The following NFATC2 variants were observed in gnomAD, a reference collection of about 807,000 sequenced individuals.
NFATC2 encodes nuclear factor of activated T-cells, cytoplasmic 2.
A neutral mutation model predicts 87.3 loss-of-function variants in NFATC2; 22 were observed. That is an observed-to-expected ratio of 0.25 (90% confidence interval 0.18 to 0.36). The LOEUF (loss-of-function observed/expected upper bound fraction) is 0.36, where lower values mean the gene tolerates loss of function less well. Ranked by LOEUF, NFATC2 falls within the 10% of genes least tolerant of loss-of-function variation. NFATC2 has a pLI of 1.00. For synonymous variants in NFATC2, 565 were observed against 542.2 expected, an observed-to-expected ratio of 1.04 and a Z score of -0.58; for missense variants, 1,149 against 1,259.1, an observed-to-expected ratio of 0.91 and a Z score of 1.32.
chr20:51,397,592 AAGTCCTGAGGACACTCCT>A (rs1177018776), intron 10 of NFATC2, among the ~76,000 whole-genome samples: 1 of 152,086 alleles, frequency 6.6e-6, no homozygotes, highest in Non-Finnish European at 1.5e-5. Context: ...CTCGGATGCA[AAGTCCTGAGGACACTCCT>A]GAGGGACTCC....
In NFATC2 at chr20:51,432,579, G is replaced by C; in HGVS notation, c.2210C>G (p.Ser737Cys). Residue 737 changes from serine (S) to cysteine (C), a missense_variant, in exon 9 of 11, where the codon TCC (serine) becomes TGC (cysteine). This residue lies in a region of NFATC2 where 581 missense variants were observed against 649.7 expected (regional missense o/e 0.89). Coordinates refer to ENST00000371564, the MANE Select transcript of NFATC2 (RefSeq NM_012340.5). This position sits in a 1 kb window ranked among gnomAD's most constrained non-coding sequence, Gnocchi z 4.6. ...CTGTTGCTGGTAGCGGGCGTCAGGG[G>C]ATGAGAGCCCCGTGCGGAACTGCTG... Reference protein sequence around the residue: ...PCQQFRTGLSSPDARYQQQNP... With the variant: ...PCQQFRTGLSCPDARYQQQNP... The C allele has an allele frequency of 6.5e-7, 1 of 1,533,556 alleles. No individual in the cohort carries two copies. The highest frequency in any genetic ancestry group is 1.3e-5 in the South Asian group (1 of 77,686). The allele number at this position is 1,533,556 out of a possible 1,614,324, so 95.0% of individuals were successfully genotyped here.
intron 9 of NFATC2, 68 bp from the exon 10 acceptor site, chr20:51,398,798 T>TCCAACTCATGCCGATATCATCC (rs1987635825): frequency 9.2e-7 from 1 of 1,088,034 alleles, no homozygotes; most frequent in Non-Finnish European, 1.4e-6. Context: ...CTCTTACGCT[T>TCCAACTCATGCCGATATCATCC]CCAACTCATG....
intron 9 of NFATC2, among the ~76,000 whole-genome samples, chr20:51,405,030 AAG>A (rs1988421857): frequency 6.6e-6 from 1 of 152,152 alleles, no homozygotes; most frequent in South Asian, 2.1e-4. Context: ...TTTCTAGTAA[AAG>A]GGGCTCACTG....
chr20:51,561,484 A>AAAGCAAGCAAGC (rs377087625), intron 1 of NFATC2, among the ~76,000 whole-genome samples: 109 of 90,048 alleles, frequency 1.2e-3, no homozygotes, highest in East Asian at 3.0e-3. Context: ...AGAAAGAAAG[A>AAAGCAAGCAAGC]AAGCAAGCAA....
chr20:51,414,376 CGCTG>C, intron 9 of NFATC2, among the ~76,000 whole-genome samples: 1 of 152,164 alleles, frequency 6.6e-6, no homozygotes, highest in Non-Finnish European at 1.5e-5. Flanking sequence ...AGCCTTGGAA[CGCTG>C]GCCAGATTTC....
intron 3 of NFATC2, among the ~76,000 whole-genome samples, chr20:51,499,304 C>G (rs538535431): frequency 1.3e-5 from 2 of 152,172 alleles, no homozygotes; most frequent in East Asian, 3.9e-4. Context: ...CCCCAGGTGA[C>G]AGAGGGGAGG....
At chr20:51,560,189 C>T (rs1363844090) in intron 1 of NFATC2, among the ~76,000 whole-genome samples, 1 of 152,182 alleles carries the variant, frequency 6.6e-6, no homozygotes, top group Non-Finnish European at 1.5e-5. Context: ...TGTTTTACCT[C>T]ATTGAATCTC....
chr20:51,523,305 C>A lies in NFATC2; in HGVS notation c.936G>T (p.Thr312=). ...TGGGGGGGATCCCACAAGGCGAGTC[C>A]GTGGCGAGGCTGTTCAGGGCATCCA... ...VIMDALNSLA[T]DSPCGIPPKM... Residue 312 remains threonine (T), a synonymous_variant, in exon 2 of 11, where the codon ACG becomes ACT. Coordinates refer to ENST00000371564, the MANE Select transcript of NFATC2 (RefSeq NM_012340.5). The surrounding 1 kb of genome is among the most constrained non-coding windows in gnomAD (Gnocchi z 6.9). The A allele has an allele frequency of 6.2e-7, 1 of 1,613,678 alleles. No individual in the cohort carries two copies. Among genetic ancestry groups the A allele is most frequent in the Non-Finnish European group, 8.5e-7 (1 of 1,179,784 alleles).
Position 51,558,535 on chromosome 20 carries a change from C to T in NFATC2, c.70+4025G>A, listed in dbSNP as rs751813526. ...ATAATAAATTATACAATAGTAATGACCGCAATTATTTTTTGAATGGGTACC... is the reference window on the plus strand; with the variant it reads ...ATAATAAATTATACAATAGTAATGATCGCAATTATTTTTTGAATGGGTACC... On this transcript the variant is annotated intron_variant, in intron 1 of 10. Transcript: ENST00000414705. Among the ~76,000 whole-genome samples the T allele has an allele frequency of 2.2e-4, 33 of 151,814 alleles. No homozygotes were observed. The East Asian group carries it at 5.8e-3, about 27-fold the overall frequency.
upstream of NFATC2, chr20:51,562,651 C>A: frequency 6.5e-7 from 1 of 1,548,486 alleles, no homozygotes; most frequent in Non-Finnish European, 8.7e-7. This position sits in a 1 kb window ranked among gnomAD's most constrained non-coding sequence, Gnocchi z 5.8. Context: ...GGGGACTTGG[C>A]GCGTGTTTGG....
At chr20:51,542,751 G>GGGA (rs1555819107), upstream of NFATC2, 8 of 614,632 alleles carry the variant, frequency 1.3e-5, no homozygotes, top group East Asian at 9.8e-4. Flanking sequence ...CGGGGAGGCG[G>GGGA]GGGGGGGGGG....
chr20:51,394,262 G>A (rs1258998346), intron 10 of NFATC2, among the ~76,000 whole-genome samples: 1 of 152,030 alleles, frequency 6.6e-6, no homozygotes, highest in Non-Finnish European at 1.5e-5. Flanking sequence ...TCTGAGAGGG[G>A]GGTCTCTGCT....
chr20:51,431,143 A>AAT (rs1275544162), intron 9 of NFATC2, among the ~76,000 whole-genome samples: 1 of 152,126 alleles, frequency 6.6e-6, no homozygotes, highest in Admixed American at 6.5e-5. Flanking sequence ...GTACCCCACA[A>AAT]ATATATATAC....
At chr20:51,542,900 G>C (rs1219755291), upstream of NFATC2, among the ~76,000 whole-genome samples, 1 of 151,988 alleles carries the variant, frequency 6.6e-6, no homozygotes, top group African/African-American at 2.4e-5. Flanking sequence ...ACACTGTCCC[G>C]GGCCACCGCT....
chr20:51,549,780 G>A (rs2076917874), intron 1 of NFATC2, among the ~76,000 whole-genome samples: 1 of 152,188 alleles, frequency 6.6e-6, no homozygotes, highest in African/African-American at 2.4e-5. Flanking sequence ...TAGCAGCCGG[G>A]GCTCGCTTCA....
intron 9 of NFATC2, among the ~76,000 whole-genome samples, chr20:51,411,353 AAGG>A (rs1313576970): frequency 2.0e-5 from 3 of 151,966 alleles, no homozygotes; most frequent in Non-Finnish European, 4.4e-5. Context: ...ACTGAAGTTC[AAGG>A]AGGACCTGAT....
intron 3 of NFATC2, among the ~76,000 whole-genome samples, chr20:51,508,771 G>A (rs2076226410): frequency 6.6e-6 from 1 of 152,074 alleles, no homozygotes; most frequent in African/African-American, 2.4e-5. Context: ...CTTGCAGCCA[G>A]TCTCAAAAAA....
chr20:51,531,942 G>C (rs1477434717), intron 1 of NFATC2, among the ~76,000 whole-genome samples: 9 of 152,092 alleles, frequency 5.9e-5, no homozygotes, highest in Non-Finnish European at 1.3e-4. Flanking sequence ...TTTTACCTCA[G>C]ATCCTGCTGA....
intron 5 of NFATC2, among the ~76,000 whole-genome samples, chr20:51,455,937 T>TGG (rs1474025619): frequency 4.1e-5 from 1 of 24,478 alleles, no homozygotes. Flanking sequence ...GGTGGGTGGG[T>TGG]AGATGGATGG....
Sources: gnomAD v4.1 joint callset for allele counts (sites outside exome capture counted in the v4.1 genomes callset) on GRCh38, gnomAD v4.1.1 for gene constraint, gnomAD v4.1.1 regional missense constraint, Gnocchi (gnomAD v3.1) non-coding constraint, MANE v1.5 for transcripts, NCBI Gene and HGNC (gene_info 2026-07-23, HGNC 2026-07-21) for gene names.